Variants in CCDC57 observed in about 807,000 individuals in gnomAD.
The protein encoded by CCDC57 is coiled-coil domain containing 57, also known as coiled-coil domain-containing protein 57.
In CCDC57, 118 loss-of-function variants were observed where a neutral mutation model predicts 118.9. The observed-to-expected ratio is 0.99, with a 90% CI of 0.86 to 1.16. CCDC57 has a LOEUF of 1.16. Among genes scored for constraint, CCDC57 ranks in the 50% most tolerant of loss-of-function variants. The probability of loss-of-function intolerance (pLI) is 0.00; values close to 1 mark genes in which losing one functional copy is unlikely to be tolerated. For missense variants in CCDC57, 1,300 were observed against 1,320.7 expected (o/e 0.98, Z 0.24); for synonymous variants, 527 against 532.9 (o/e 0.99, Z 0.15).
At chr17:82,142,957 G>C (rs1417484980) in intron 16 of CCDC57, among the ~76,000 whole-genome samples, 2 of 152,076 alleles carry the variant, frequency 1.3e-5, no homozygotes, top group Non-Finnish European at 2.9e-5. Flanking sequence ...CTGAGGTCAG[G>C]AGTTCGAGAT....
At chr17:82,141,470 G>GCCA (rs2040005706) in intron 16 of CCDC57, among the ~76,000 whole-genome samples, 1 of 152,182 alleles carries the variant, frequency 6.6e-6, no homozygotes, top group African/African-American at 2.4e-5. Flanking sequence ...ACAGGCGTGA[G>GCCA]CCACCGCGAC....
At chr17:82,151,717 G>A in exon 16 of CCDC57, 1 of 1,550,368 alleles carries the variant, frequency 6.5e-7, no homozygotes, top group Middle Eastern at 1.7e-4. Context: ...CTGACCGGAG[G>A]TGCAGGAAAA....
chr17:82,104,242 T>C (rs1056315202), intron 19 of CCDC57, among the ~76,000 whole-genome samples: 1 of 152,250 alleles, frequency 6.6e-6, no homozygotes, highest in Non-Finnish European at 1.5e-5. Flanking sequence ...TTGGGCTGAC[T>C]GGGCCGCAGG....
chr17:82,196,299 G>A (rs569991495), intron 4 of CCDC57, among the ~76,000 whole-genome samples: 110 of 152,338 alleles, frequency 7.2e-4, no homozygotes, highest in Non-Finnish European at 1.1e-3. Context: ...GATTTTAGAC[G>A]CTGGCTTCAT....
exon 13 of CCDC57, chr17:82,171,717 G>A (rs1401179372): frequency 3.1e-6 from 5 of 1,612,468 alleles, no homozygotes; most frequent in Non-Finnish European, 4.2e-6. Context: ...TCTCTGTCGA[G>A]GTGCGGACGC....
intron 16 of CCDC57, among the ~76,000 whole-genome samples, chr17:82,145,416 G>A (rs961999879): frequency 4.6e-5 from 7 of 151,682 alleles, no homozygotes; most frequent in South Asian, 2.1e-4. Flanking sequence ...GCATGGTGGC[G>A]GGCGCCTGTA....
rs1234587105 is a variant in CCDC57, at chr17:82,157,529, G to A, written c.2241+219C>T. 7.7e-6 allele frequency: 11 copies of A among 1,424,846 alleles called. No homozygotes were observed. The African/African-American group carries it at 1.2e-4, about 15-fold the overall frequency. The allele number at this position is 1,424,846 out of a possible 1,614,324, so 88.3% of individuals were successfully genotyped here. On this transcript the variant is annotated intron_variant, in intron 15 of 19. Transcript: ENST00000665763. ...CGCCCCCCACCAACGGGGCATCAAG[G>A]TGAAGGACCAGGAGAAGAGGAGGCG...
intron 1 of CCDC57, among the ~76,000 whole-genome samples, chr17:82,209,630 C>G (rs536127434): frequency 6.6e-6 from 1 of 151,976 alleles, no homozygotes; most frequent in Non-Finnish European, 1.5e-5. Context: ...CTCAGACACA[C>G]GCCACCATGG....
At chr17:82,195,523 G>A (rs756516593) in intron 4 of CCDC57, among the ~76,000 whole-genome samples, 159 bp from the exon 4 acceptor site, 87 of 152,050 alleles carry the variant, frequency 5.7e-4, no homozygotes, top group Non-Finnish European at 9.3e-4. Flanking sequence ...CAGCGACACT[G>A]GTAACAGCAC....
chr17:82,108,617 G>A (rs1045185330), intron 19 of CCDC57, among the ~76,000 whole-genome samples: 1 of 152,192 alleles, frequency 6.6e-6, no homozygotes, highest in South Asian at 2.1e-4. Context: ...AGAGCTAAAC[G>A]GAAATACCTT....
At chr17:82,113,526 G>A (rs550562999) in intron 19 of CCDC57, 13 of 717,564 alleles carry the variant, frequency 1.8e-5, no homozygotes, top group South Asian at 7.4e-5. Flanking sequence ...TGAGGCCCGC[G>A]CTGCATGTTT....
At chr17:82,211,010 GAAAA>G (rs60817301) in intron 1 of CCDC57, among the ~76,000 whole-genome samples, 1 of 126,332 alleles carries the variant, frequency 7.9e-6, no homozygotes, top group Non-Finnish European at 1.6e-5. Flanking sequence ...AAAAAAAAAA[GAAAA>G]AAAAAAAAGA....
intron 19 of CCDC57, among the ~76,000 whole-genome samples, chr17:82,106,847 A>G (rs956443920): frequency 4.6e-5 from 7 of 152,146 alleles, no homozygotes; most frequent in African/African-American, 1.7e-4. Flanking sequence ...AATTCATGAA[A>G]AGGGAACTTT....
intron 19 of CCDC57, among the ~76,000 whole-genome samples, chr17:82,121,051 G>A (rs1040221746): frequency 1.3e-5 from 2 of 152,054 alleles, no homozygotes; most frequent in South Asian, 2.1e-4. Flanking sequence ...TACCGCGCCC[G>A]GCCTCTTGCT....
intron 2 of CCDC57, among the ~76,000 whole-genome samples, chr17:82,204,555 G>A (rs1040148552): frequency 3.9e-5 from 6 of 152,172 alleles, no homozygotes; most frequent in Admixed American, 1.3e-4. Flanking sequence ...AGGCCGAGGC[G>A]GGCGGATCAT....
At chr17:82,147,401 CAGAT>C (rs774537875) in intron 16 of CCDC57, among the ~76,000 whole-genome samples, 3 of 142,676 alleles carry the variant, frequency 2.1e-5, no homozygotes, top group Non-Finnish European at 4.5e-5. Context: ...GATAGATGAA[CAGAT>C]GGATGGGTGG....
intron 16 of CCDC57, among the ~76,000 whole-genome samples, chr17:82,143,882 T>C (rs867502792): frequency 8.7e-5 from 13 of 150,226 alleles, no homozygotes; most frequent in Admixed American, 6.7e-4. Flanking sequence ...GTGGATTGCT[T>C]GAGCTCAGGA....
chr17:82,176,517 C>T (rs10852793), intron 11 of CCDC57, among the ~76,000 whole-genome samples: 108,152 of 152,070 alleles, frequency 0.71, 39,185 homozygotes, highest in East Asian at 0.95. Flanking sequence ...CTGTCTACCC[C>T]CACAGCCACA....
intron 15 of CCDC57, chr17:82,154,319 C>T (rs980917881): frequency 6.6e-6 from 1 of 152,422 alleles, no homozygotes; most frequent in African/African-American, 2.4e-5. Flanking sequence ...GCAGACCTGG[C>T]TCCTTGGCTA....
Sources: gnomAD v4.1 joint callset for allele counts (sites outside exome capture counted in the v4.1 genomes callset) on GRCh38, gnomAD v4.1.1 for gene constraint, MANE v1.5 for transcripts, NCBI Gene and HGNC (gene_info 2026-07-23, HGNC 2026-07-21) for gene names.